DGKI: variants seen among roughly 807,000 people sequenced by gnomAD.
The protein encoded by DGKI is diacylglycerol kinase iota, also known as DAG kinase iota.
In DGKI, 55 loss-of-function variants were observed where a neutral mutation model predicts 147.5. The ratio of observed to expected loss-of-function variants is 0.37; its 90% CI spans 0.30 to 0.47. The LOEUF is 0.47. DGKI is among the 20% of genes least tolerant of loss of function. The pLI is 1.00. For synonymous variants in DGKI, 469 were observed against 477.1 expected (o/e 0.98, Z 0.22); for missense variants, 1,007 against 1,323.8 (o/e 0.76, Z 3.71).
chr7:137,501,864 CA>C (rs761405190), intron 21 of DGKI, among the ~76,000 whole-genome samples: 7 of 152,224 alleles, frequency 4.6e-5, no homozygotes, highest in Non-Finnish European at 8.8e-5. Flanking sequence ...TTGTAGCTCC[CA>C]TAATTCCCAC....
At position 137,395,822 on chromosome 7, in the gene DGKI, T is replaced by C. The variant is rs1811529373; in HGVS notation, c.2958-125A>G. 3 of 757,778 alleles carry C rather than the reference T, an allele frequency of 4.0e-6. No individual in the cohort carries two copies. The East Asian group carries it at 8.1e-5, about 20-fold the overall frequency. The allele number at this position is 757,778 out of a possible 1,614,324, so 46.9% of individuals were successfully genotyped here. A position where few individuals can be genotyped will look rare whatever the true frequency, so the allele number is the denominator to read the frequency against. ...CTGTAGGCTGCTGAGACTTTGGCTG[T>C]AGGGTACATTCTGGGGAGGTAGGGA... On this transcript the variant is annotated intron_variant, in intron 31 of 32. Coordinates refer to ENST00000614521, the MANE Select transcript of DGKI (RefSeq NM_001321708.2).
chr7:137,839,386 T>C (rs910737019), intron 1 of DGKI, among the ~76,000 whole-genome samples: 2 of 152,276 alleles, frequency 1.3e-5, no homozygotes, highest in South Asian at 4.1e-4. Context: ...CACCAGCTGC[T>C]GACATTTGAT....
At chr7:137,560,169 A>C (rs1366083212) in intron 19 of DGKI, among the ~76,000 whole-genome samples, 1 of 152,210 alleles carries the variant, frequency 6.6e-6, no homozygotes, top group Non-Finnish European at 1.5e-5. Flanking sequence ...AATAAAATGA[A>C]AAAAACAAAA....
chr7:137,555,596 A>G (rs989558239), intron 19 of DGKI, among the ~76,000 whole-genome samples: 1 of 152,180 alleles, frequency 6.6e-6, no homozygotes, highest in Admixed American at 6.5e-5. Context: ...AAAATCATGC[A>G]GGAATTTTAG....
intron 19 of DGKI, 106 bp downstream of exon 19, chr7:137,571,069 G>T: frequency 4.0e-6 from 3 of 758,618 alleles, no homozygotes; most frequent in East Asian, 3.0e-5. Flanking sequence ...TTCATAAAAT[G>T]TGTAACTTGA....
At chr7:137,494,922 A>T (rs1815904267) in intron 21 of DGKI, among the ~76,000 whole-genome samples, 1 of 152,168 alleles carries the variant, frequency 6.6e-6, no homozygotes, top group Non-Finnish European at 1.5e-5. Context: ...TGTCTTCAAG[A>T]GACCCAGGTC....
intron 21 of DGKI, chr7:137,513,843 T>A: frequency 1.4e-6 from 1 of 692,014 alleles, no homozygotes; most frequent in East Asian, 2.9e-5. Flanking sequence ...GCCATTTTTT[T>A]GGAAACCTCT....
At chr7:137,764,922 A>T (rs926659301) in intron 1 of DGKI, among the ~76,000 whole-genome samples, 1 of 152,110 alleles carries the variant, frequency 6.6e-6, no homozygotes, top group Non-Finnish European at 1.5e-5. Flanking sequence ...TCCACATTTT[A>T]CCCAAGAGGC....
At chr7:137,585,736 A>G (rs1819370700) in intron 13 of DGKI, among the ~76,000 whole-genome samples, 1 of 152,190 alleles carries the variant, frequency 6.6e-6, no homozygotes, top group Admixed American at 6.5e-5. Context: ...GAAAGAATCA[A>G]GGAGGGATTG....
chr7:137,719,947 C>T (rs915934981), intron 1 of DGKI, among the ~76,000 whole-genome samples: 2 of 152,134 alleles, frequency 1.3e-5, no homozygotes, highest in African/African-American at 2.4e-5. Flanking sequence ...GCTGGTGAAG[C>T]CTGACCCCTC....
intron 1 of DGKI, among the ~76,000 whole-genome samples, chr7:137,724,339 A>G (rs1794658997): frequency 1.3e-5 from 2 of 152,196 alleles, no homozygotes; most frequent in Non-Finnish European, 2.9e-5. Flanking sequence ...CCAGGAAATG[A>G]TATGAACATC....
chr7:137,381,515 C>T lies in DGKI; in HGVS notation c.*9705G>A, dbSNP rs545610651. On this transcript the variant is annotated 3_prime_UTR_variant, in exon 33 of 33. Coordinates refer to ENST00000614521, the MANE Select transcript of DGKI (RefSeq NM_001321708.2). ...CTGCAACTCTTCATACAGATGTAGC[C>T]TTTGCGAGTGGAATACCCACAGCCA... The T allele has an allele frequency of 6.6e-6, 1 of 151,868 alleles. No homozygotes were observed. The highest frequency in any genetic ancestry group is 2.1e-4 in the South Asian group (1 of 4,802). The allele number at this position is 151,868 out of a possible 1,614,324, so 9.4% of individuals were successfully genotyped here. A position where few individuals can be genotyped will look rare whatever the true frequency, so the allele number is the denominator to read the frequency against.
chr7:137,637,103 G>A (rs1444706859), intron 6 of DGKI, among the ~76,000 whole-genome samples: 6 of 152,194 alleles, frequency 3.9e-5, no homozygotes, highest in Admixed American at 6.5e-5. Context: ...GGTCAAGTCC[G>A]GGTAACTCTG....
chr7:137,445,633 T>A (rs1331469880), intron 27 of DGKI, among the ~76,000 whole-genome samples: 1 of 152,192 alleles, frequency 6.6e-6, no homozygotes, highest in Non-Finnish European at 1.5e-5. Context: ...ATTGAATTAA[T>A]CTCAGTTCCA....
Position 137,465,786 on chromosome 7 carries a change from C to T in DGKI, c.2612+122G>A, listed in dbSNP as rs1814630641. 4.5e-6 allele frequency: 6 copies of T among 1,343,562 alleles called. No homozygotes were observed. The South Asian group carries it at 7.6e-5, about 17-fold the overall frequency. 83.2% of individuals were successfully genotyped at this position (1,343,562 alleles called of 1,614,324 possible). On this transcript the variant is annotated intron_variant, in intron 26 of 32. Transcript: ENST00000614521. The stretch of plus-strand genomic sequence containing the variant: ...TTATAATAACCACTCTAAGGAAACA[C>T]AACAAGAAAATCTACACTTCAAAAT...
At chr7:137,395,446 A>T in intron 32 of DGKI, 152 bp downstream of exon 32, 1 of 648,308 alleles carries the variant, frequency 1.5e-6, no homozygotes, top group Admixed American at 2.7e-5. Context: ...CAGTTTCTCT[A>T]AATGAAGCAC....
Position 137,801,527 on chromosome 7 carries a change from A to T in DGKI, c.401+44935T>A, listed in dbSNP as rs541590465. Among the ~76,000 whole-genome samples, 40 of 152,356 alleles carry T rather than the reference A, an allele frequency of 2.6e-4. 1 individual carries two copies. The South Asian group carries it at 5.4e-3, about 20-fold the overall frequency. On this transcript the variant is annotated intron_variant, in intron 1 of 32. Coordinates refer to ENST00000614521, the MANE Select transcript of DGKI (RefSeq NM_001321708.2). ...ACCATGTGATTTTGAAAAATTAAAC[A>T]TCAGGTTTCAGTCCTCAGTCTCACT...
intron 5 of DGKI, among the ~76,000 whole-genome samples, chr7:137,646,507 A>G (rs1464418745): frequency 6.6e-6 from 1 of 152,188 alleles, no homozygotes; most frequent in Admixed American, 6.5e-5. Flanking sequence ...AAGCAGCGCC[A>G]TTCACCACTG....
At chr7:137,575,180 T>C (rs1459241444) in intron 17 of DGKI, among the ~76,000 whole-genome samples, 1 of 152,242 alleles carries the variant, frequency 6.6e-6, no homozygotes, top group African/African-American at 2.4e-5. Flanking sequence ...CTAGCAAAGG[T>C]AGACCTAACT....
Sources: gnomAD v4.1 joint callset for allele counts (sites outside exome capture counted in the v4.1 genomes callset) on GRCh38, gnomAD v4.1.1 for gene constraint, MANE v1.5 for transcripts, NCBI Gene and HGNC (gene_info 2026-07-23, HGNC 2026-07-21) for gene names.